RNF216: variants seen among roughly 807,000 people sequenced by gnomAD.
RNF216 encodes ring finger protein 216.
A neutral mutation model predicts 110.8 loss-of-function variants in RNF216; 72 were observed. The ratio of observed to expected loss-of-function variants is 0.65; its 90% CI spans 0.54 to 0.79. The LOEUF is 0.79. RNF216 is among the 30% of genes least tolerant of loss of function. The probability of loss-of-function intolerance (pLI) is 0.00; values close to 1 mark genes in which losing one functional copy is unlikely to be tolerated. For missense variants in RNF216, 1,342 were observed against 1,141.2 expected (o/e 1.18, Z -2.54); for synonymous variants, 495 against 407.5 (o/e 1.21, Z -2.59).
chr7:5,718,027 T>C (rs1487831164), intron 9 of RNF216, among the ~76,000 whole-genome samples: 8 of 152,234 alleles, frequency 5.3e-5, no homozygotes, highest in Middle Eastern at 3.4e-3. Flanking sequence ...CGTATACTTA[T>C]TTGCTTTTCC....
chr7:5,729,319 T>C (rs1793946190), intron 7 of RNF216, 113 bp downstream of exon 7: 1 of 980,966 alleles, frequency 1.0e-6, no homozygotes, highest in Non-Finnish European at 1.6e-6. Flanking sequence ...CCCTAATAAA[T>C]TCCTTAGCAA....
At chr7:5,702,255 C>G (rs1431661302) in intron 13 of RNF216, among the ~76,000 whole-genome samples, 1 of 152,162 alleles carries the variant, frequency 6.6e-6, no homozygotes, top group African/African-American at 2.4e-5. Context: ...TGTTCACTCA[C>G]AGCTCCCAGC....
At chr7:5,708,402 C>T (rs1181925990) in intron 13 of RNF216, among the ~76,000 whole-genome samples, 1 of 152,158 alleles carries the variant, frequency 6.6e-6, no homozygotes, top group African/African-American at 2.4e-5. Context: ...TTTGGGTGCA[C>T]TGATGTCGGG....
At chr7:5,724,155 T>C (rs1793611715) in intron 8 of RNF216, among the ~76,000 whole-genome samples, 1 of 151,880 alleles carries the variant, frequency 6.6e-6, no homozygotes, top group African/African-American at 2.4e-5. Context: ...TCATGTGGAG[T>C]ATGATGTGCA....
In RNF216 at chr7:5,752,970, T is replaced by G. The variant is rs140309187; in HGVS notation, c.77A>C (p.Asn26Thr). Residue 26 changes from asparagine to threonine, a missense_variant, in exon 3 of 17, where the codon AAT (asparagine) becomes ACT (threonine). Coordinates refer to ENST00000389902, the MANE Select transcript of RNF216 (RefSeq NM_207111.4). ...TATGGTGATGGGCCCATCTCGGAGA[T>G]TGATCCACTCTACAGGAAAGCAGAG... The part of the protein sequence containing the change: ...FHCHRGQEWI[N>T]LRDGPITISD... The G allele has an allele frequency of 6.2e-7, 1 of 1,611,076 alleles. No individual in the cohort carries two copies. The highest frequency in any genetic ancestry group is 1.7e-5 in the Admixed American group (1 of 59,622).
At chr7:5,642,823 GT>G (rs1787819742) in intron 14 of RNF216, among the ~76,000 whole-genome samples, 1 of 152,196 alleles carries the variant, frequency 6.6e-6, no homozygotes, top group South Asian at 2.1e-4. Flanking sequence ...GAAAAGCTAT[GT>G]GCCCAAACAC....
Position 5,741,034 on chromosome 7 carries a change from A to G in RNF216, c.983T>C (p.Ile328Thr), listed in dbSNP as rs754321719. 1.9e-6 allele frequency: 3 copies of G among 1,613,960 alleles called. No homozygotes were observed. The highest frequency in any genetic ancestry group is 1.1e-5 in the South Asian group (1 of 91,022). The change falls in exon 4 of 17, where the codon ATT becomes ACT. Residue 328 changes from isoleucine (I) to threonine (T), a missense_variant. Ile to Thr is a moderately conservative substitution (Grantham distance 89). Coordinates refer to ENST00000389902, the MANE Select transcript of RNF216 (RefSeq NM_207111.4). The stretch of plus-strand genomic sequence containing the variant: ...TACCTCTGCAGCTTCTTGCCCCCAA[A>G]TGTTTTCCAAATTGGGCTCTTGAGA... Reference protein sequence around the residue: ...QESQEPNLENIWGQEAAEVDQ... With the variant: ...QESQEPNLENTWGQEAAEVDQ...
intron 15 of RNF216, among the ~76,000 whole-genome samples, chr7:5,629,367 A>C (rs1454048488): frequency 6.6e-6 from 1 of 151,880 alleles, no homozygotes; most frequent in Non-Finnish European, 1.5e-5. Context: ...TGTGGGGCTG[A>C]GGTGGGAGGA....
At chr7:5,754,859 C>T (rs537996844) in intron 2 of RNF216, among the ~76,000 whole-genome samples, 2 of 152,140 alleles carry the variant, frequency 1.3e-5, no homozygotes, top group East Asian at 3.9e-4. Flanking sequence ...AAAACCCCAT[C>T]TCTACTACAA....
At chr7:5,653,875 G>A (rs748347602) in intron 13 of RNF216, among the ~76,000 whole-genome samples, 7 of 152,132 alleles carry the variant, frequency 4.6e-5, no homozygotes, top group Non-Finnish European at 7.4e-5. Flanking sequence ...AGGCAAAGCC[G>A]GGCATGTTCA....
chr7:5,668,274 A>G (rs1479939733), intron 13 of RNF216, among the ~76,000 whole-genome samples: 2 of 144,072 alleles, frequency 1.4e-5, no homozygotes. Flanking sequence ...CCCCGGCTGG[A>G]GTGCAGTGGC....
At chr7:5,694,314 C>T (rs906709584) in intron 13 of RNF216, among the ~76,000 whole-genome samples, 1 of 152,208 alleles carries the variant, frequency 6.6e-6, no homozygotes, top group Admixed American at 6.5e-5. Flanking sequence ...CTTGCTTCCG[C>T]CACTGCTACT....
intron 15 of RNF216, among the ~76,000 whole-genome samples, chr7:5,632,925 A>G (rs1787163967): frequency 6.6e-6 from 1 of 152,200 alleles, no homozygotes; most frequent in Non-Finnish European, 1.5e-5. Context: ...TCAAGGACAA[A>G]GGGTCAAAGC....
At chr7:5,714,780 C>G (rs532573935) in intron 11 of RNF216, among the ~76,000 whole-genome samples, 24 of 152,212 alleles carry the variant, frequency 1.6e-4, no homozygotes, top group Admixed American at 1.5e-3. Flanking sequence ...TCTGAGGTAA[C>G]CTTCCCTCTG....
At chr7:5,691,803 A>T (rs1167654047) in intron 13 of RNF216, among the ~76,000 whole-genome samples, 1 of 152,236 alleles carries the variant, frequency 6.6e-6, no homozygotes, top group Non-Finnish European at 1.5e-5. Flanking sequence ...TCTTTCAAAC[A>T]TATTTTCGAT....
chr7:5,749,162 T>C (rs1228929637), intron 3 of RNF216, among the ~76,000 whole-genome samples: 1 of 151,432 alleles, frequency 6.6e-6, no homozygotes, highest in Non-Finnish European at 1.5e-5. Context: ...TTTTTTTTTT[T>C]TTTTTTGAGA....
intron 13 of RNF216, among the ~76,000 whole-genome samples, chr7:5,672,357 TA>T (rs1789972597): frequency 6.6e-6 from 1 of 152,260 alleles, no homozygotes; most frequent in Non-Finnish European, 1.5e-5. Context: ...CTAATGTTTA[TA>T]TAAAAGGATC....
intron 14 of RNF216, among the ~76,000 whole-genome samples, chr7:5,651,381 C>G (rs1231316588): frequency 6.6e-6 from 1 of 152,020 alleles, no homozygotes; most frequent in Non-Finnish European, 1.5e-5. Context: ...TGCGTGCCCA[C>G]CACTCCTGGA....
At chr7:5,769,523 G>C (rs1796383430) in intron 1 of RNF216, among the ~76,000 whole-genome samples, 1 of 151,224 alleles carries the variant, frequency 6.6e-6, no homozygotes, top group Non-Finnish European at 1.5e-5. Flanking sequence ...AGGAGTTCAA[G>C]ACCAGCCTGG....
Sources: allele counts gnomAD v4.1 joint callset (sites outside exome capture counted in the v4.1 genomes callset), GRCh38; gene constraint gnomAD v4.1.1; transcripts MANE v1.5; gene names NCBI Gene and HGNC (gene_info 2026-07-23, HGNC 2026-07-21).